The following FAM210A variants were observed in gnomAD, a reference collection of about 807,000 sequenced individuals.
The protein encoded by FAM210A is family with sequence similarity 210 member A.
In FAM210A, 13 loss-of-function variants were observed where a neutral mutation model predicts 25.3. That is an observed-to-expected ratio of 0.51 (90% confidence interval 0.33 to 0.82). The LOEUF (loss-of-function observed/expected upper bound fraction) is 0.82. Ranked by LOEUF, FAM210A falls within the 40% of genes least tolerant of loss-of-function variation. The pLI is 0.02. For synonymous variants in FAM210A, 125 were observed against 118.7 expected (o/e 1.05, Z -0.35); for missense variants, 319 against 323.2 (o/e 0.99, Z 0.10).
chr18:13,667,621 A>G (rs1305287047), intron 3 of FAM210A, among the ~76,000 whole-genome samples: 1 of 152,188 alleles, frequency 6.6e-6, no homozygotes, highest in East Asian at 1.9e-4. Flanking sequence ...TGAGAAGCTG[A>G]GGCAGGAGAA....
chr18:13,677,824 A>T (rs1262671429), intron 2 of FAM210A, among the ~76,000 whole-genome samples: 1 of 152,152 alleles, frequency 6.6e-6, no homozygotes, highest in Non-Finnish European at 1.5e-5. Context: ...CTATTATGAT[A>T]ACGGTAGCGG....
In FAM210A at chr18:13,663,524, A is replaced by G. The variant is rs2043376535; in HGVS notation, c.*2956T>C. On this transcript the variant is annotated 3_prime_UTR_variant, in exon 4 of 4. Coordinates refer to ENST00000651643, the MANE Select transcript of FAM210A (RefSeq NM_152352.4). ...TGGTTTTGCTCTTATTCCTGAATAAACTAAGTCTCTCACCTAATCCATCTT... is the reference window on the plus strand; with the variant it reads ...TGGTTTTGCTCTTATTCCTGAATAAGCTAAGTCTCTCACCTAATCCATCTT... 1 of 152,212 alleles carries G rather than the reference A, an allele frequency of 6.6e-6. No individual in the cohort carries two copies. Among genetic ancestry groups the G allele is most frequent in the Non-Finnish European group, 1.5e-5 (1 of 68,038 alleles). 9.4% of individuals were successfully genotyped at this position (152,212 alleles called of 1,614,324 possible).
intron 1 of FAM210A, among the ~76,000 whole-genome samples, chr18:13,707,035 G>A (rs2043783541): frequency 6.6e-6 from 1 of 152,136 alleles, no homozygotes; most frequent in Non-Finnish European, 1.5e-5. Context: ...TTCTCTCAGA[G>A]GTTTTAAATG....
chr18:13,710,846 T>C (rs2043815278), intron 1 of FAM210A, among the ~76,000 whole-genome samples: 1 of 152,132 alleles, frequency 6.6e-6, no homozygotes, highest in East Asian at 1.9e-4. Context: ...ATGATTTGAG[T>C]AATAACTCTA....
At chr18:13,714,840 C>T (rs1264611884) in intron 1 of FAM210A, among the ~76,000 whole-genome samples, 2 of 152,084 alleles carry the variant, frequency 1.3e-5, no homozygotes, top group African/African-American at 2.4e-5. Flanking sequence ...TTTAACACCC[C>T]ATAATTGATT....
chr18:13,685,034 T>G (rs2043585120), intron 1 of FAM210A, among the ~76,000 whole-genome samples: 2 of 152,176 alleles, frequency 1.3e-5, no homozygotes, highest in South Asian at 4.1e-4. Flanking sequence ...TAACAAAATC[T>G]GTGGGATGCA....
intron 2 of FAM210A, among the ~76,000 whole-genome samples, chr18:13,676,024 G>A (rs373688324): frequency 3.7e-5 from 4 of 108,374 alleles, no homozygotes; most frequent in South Asian, 6.4e-4. Context: ...TTCCTGAGCC[G>A]CTGACCTCTT....
chr18:13,726,076 C>T (rs1020446404), intron 1 of FAM210A, among the ~76,000 whole-genome samples: 7 of 152,206 alleles, frequency 4.6e-5, no homozygotes, highest in Non-Finnish European at 8.8e-5. Flanking sequence ...GAAAAACAGT[C>T]CCAAAGCAAG....
chr18:13,693,963 G>C (rs948649808), intron 1 of FAM210A, among the ~76,000 whole-genome samples: 1 of 152,196 alleles, frequency 6.6e-6, no homozygotes, highest in Non-Finnish European at 1.5e-5. Flanking sequence ...CAGATGACAT[G>C]ATTGTAGATT....
chr18:13,694,410 A>T (rs574702220), intron 1 of FAM210A, among the ~76,000 whole-genome samples: 5 of 152,344 alleles, frequency 3.3e-5, no homozygotes, highest in Admixed American at 3.3e-4. Flanking sequence ...CATTGCTAAG[A>T]CAATCCTAAG....
intron 3 of FAM210A, 64 bp from the exon 4 acceptor site, chr18:13,666,777 C>T: frequency 7.0e-7 from 1 of 1,423,994 alleles, no homozygotes; most frequent in Non-Finnish European, 9.6e-7. Flanking sequence ...TAAGCAAAAA[C>T]AAGTTAAAAT....
At chr18:13,724,512 A>T (rs2043918965) in intron 1 of FAM210A, among the ~76,000 whole-genome samples, 1 of 152,230 alleles carries the variant, frequency 6.6e-6, no homozygotes. Context: ...AGCTATTATT[A>T]TTTTAATGTC....
At chr18:13,717,752 C>A (rs1026527771) in intron 1 of FAM210A, among the ~76,000 whole-genome samples, 1 of 152,072 alleles carries the variant, frequency 6.6e-6, no homozygotes, top group Non-Finnish European at 1.5e-5. Context: ...GCCCAATGCA[C>A]CAGAATGTCA....
chr18:13,671,939 CA>C lies in FAM210A; in HGVS notation c.507del (p.Ile169MetfsTer8). The stretch of plus-strand genomic sequence containing the variant: ...ATGCTTACCACACTGTCAGGTAACC[CA>C]ATGAGTTCTAGAAAAGGAACGACAT... ...GVNVVPFLEL[I>X]GLPDSVVSIL... On this transcript the variant is annotated frameshift_variant, in exon 3 of 4. Transcript: ENST00000651643. LOFTEE classifies it high-confidence loss of function. 1 of 1,607,924 alleles carries C rather than the reference CA, an allele frequency of 6.2e-7. No homozygotes were observed. Among genetic ancestry groups the C allele is most frequent in the Non-Finnish European group, 8.5e-7 (1 of 1,177,494 alleles).
intron 1 of FAM210A, among the ~76,000 whole-genome samples, chr18:13,716,858 T>C (rs557358321): frequency 5.3e-5 from 8 of 152,268 alleles, no homozygotes; most frequent in Admixed American, 1.3e-4. Context: ...CAATTAAACC[T>C]CTTTTGTTTA....
At chr18:13,718,830 T>C (rs1297155485) in intron 1 of FAM210A, among the ~76,000 whole-genome samples, 1 of 152,200 alleles carries the variant, frequency 6.6e-6, no homozygotes, top group Non-Finnish European at 1.5e-5. Flanking sequence ...TAGAACCTGT[T>C]TCAGCTTGGC....
At position 13,713,725 on chromosome 18, in the gene FAM210A, A is replaced by AACAC. The variant is rs55691136; in HGVS notation, c.-29+12600_-29+12603dup. On this transcript the variant is annotated intron_variant, in intron 1 of 3. Coordinates refer to ENST00000651643, the MANE Select transcript of FAM210A (RefSeq NM_152352.4). ...GTAGCGGGGAAGTATGTCACTATAA[A>AACAC]ACACACACACACACACACACACACA... Among the ~76,000 whole-genome samples, 1,372 of 142,006 alleles carry AACAC rather than the reference A, an allele frequency of 9.7e-3. 20 individuals are homozygous for AACAC. The highest frequency in any genetic ancestry group is 0.031 in the African/African-American group (1,162 of 37,820). The allele number at this position is 142,006 out of a possible 152,430, so 93.2% of individuals were successfully genotyped here. A position where few individuals can be genotyped will look rare whatever the true frequency, so the allele number is the denominator to read the frequency against.
In FAM210A at chr18:13,671,923, A is replaced by G; in HGVS notation, c.524T>C (p.Val175Ala). ...CTGGGAGTTTTTCAGGATGCTTACC[A>G]CACTGTCAGGTAACCCAATGAGTTC... ...FLELIGLPDSVVSILKNSQSG... is the reference protein window; with the variant it reads ...FLELIGLPDSAVSILKNSQSG... Residue 175 changes from valine (V) to alanine (A), a missense_variant, in exon 3 of 4, where the codon GTG becomes GCG. By Grantham distance (64) the Val-to-Ala change is moderately conservative. Transcript: ENST00000651643. 1 of 1,613,584 alleles carries G rather than the reference A, an allele frequency of 6.2e-7. No homozygotes were observed. Among genetic ancestry groups the G allele is most frequent in the Non-Finnish European group, 8.5e-7 (1 of 1,179,808 alleles).
At position 13,681,969 on chromosome 18, in the gene FAM210A, G is replaced by T. The variant is rs932727900; in HGVS notation, c.109C>A (p.Leu37Ile). The T allele has an allele frequency of 6.2e-7, 1 of 1,614,110 alleles. No individual in the cohort carries two copies. Among genetic ancestry groups the T allele is most frequent in the Non-Finnish European group, 8.5e-7 (1 of 1,180,024 alleles). Residue 37 changes from leucine (L) to isoleucine (I), a missense_variant, in exon 2 of 4, where the codon CTT becomes ATT. Physicochemically the swap from Leu to Ile is conservative, Grantham distance 5 (BLOSUM62 2). Transcript: ENST00000651643. ...ACTTTGGATTCAGCATTGTATAAAA[G>T]TAAAGGTCCCTTTACATTTTGACAG... ...GHCQNVKGPL[L>I]LYNAESKVVL...
Sources: allele counts gnomAD v4.1 joint callset (sites outside exome capture counted in the v4.1 genomes callset), GRCh38; gene constraint gnomAD v4.1.1; transcripts MANE v1.5; gene names NCBI Gene and HGNC (gene_info 2026-07-23, HGNC 2026-07-21).